Variants in PLB1 observed in about 807,000 individuals in gnomAD.
PLB1 encodes phospholipase B1.
In PLB1, 242 loss-of-function variants were observed where a neutral mutation model predicts 227.4. The observed-to-expected ratio is 1.06, with a 90% CI of 0.96 to 1.18. The LOEUF (loss-of-function observed/expected upper bound fraction) is 1.18, where lower values mean the gene tolerates loss of function less well. Among genes scored for constraint, PLB1 ranks in the 50% most tolerant of loss-of-function variants. The pLI, the probability that PLB1 is intolerant of heterozygous loss-of-function variation, is 0.00. For missense variants in PLB1, 1,858 were observed against 1,816.3 expected (o/e 1.02, Z -0.42); for synonymous variants, 757 against 682.2 (o/e 1.11, Z -1.71).
intron 49 of PLB1, among the ~76,000 whole-genome samples, chr2:28,623,378 G>C (rs1052482898): frequency 6.7e-6 from 1 of 148,640 alleles, no homozygotes. Flanking sequence ...GGGAAGAAGC[G>C]GCATTTGTAA....
chr2:28,532,097 CTTTTA>C lies in PLB1; in HGVS notation c.469-8_469-4del, dbSNP rs774612130. ...ACAATCTCCTTTTCATGCTGTTGCC[CTTTTA>C]TTCAGCAACTTGACTTTCAATTTGA... On this transcript the variant is annotated splice_polypyrimidine_tract_variant and splice_region_variant and intron_variant, in intron 8 of 57. Coordinates refer to ENST00000327757, the MANE Select transcript of PLB1 (RefSeq NM_153021.5). 1 of 1,603,954 alleles carries C rather than the reference CTTTTA, an allele frequency of 6.2e-7. No individual in the cohort carries two copies. The highest frequency in any genetic ancestry group is 8.5e-7 in the Non-Finnish European group (1 of 1,172,960).
Position 28,548,924 on chromosome 2 carries a change from C to G in PLB1, c.1001C>G (p.Pro334Arg). 4.3e-6 allele frequency: 7 copies of G among 1,613,952 alleles called. No individual in the cohort carries two copies. The East Asian group carries it at 6.7e-5, about 15-fold the overall frequency. Residue 334 changes from proline (P) to arginine (R), a missense_variant, in exon 15 of 58, where the codon CCC becomes CGC. Pro to Arg is a moderately radical substitution (Grantham distance 103). Transcript: ENST00000327757. ...SVKHGRPMKC[P>R]SQESPYLFSY... is the part of the protein sequence containing the mutation. ...AAACACGGGAGGCCAATGAAGTGTC[C>G]CTCTCAGGTAGGAGGGACTGGGCAG...
Position 28,554,489 on chromosome 2 carries a change from C to CTTTTTTTTTTTTTTTTTTT in PLB1, c.1147+1509_1147+1527dup, listed in dbSNP as rs536476788. ...CTACAGGCATTATCACCACACCTGC[C>CTTTTTTTTTTTTTTTTTTT]TTTTTTTTTTTTTTTTTTTTTTTTT... On this transcript the variant is annotated intron_variant, in intron 17 of 57. Coordinates refer to ENST00000327757, the MANE Select transcript of PLB1 (RefSeq NM_153021.5). Among the ~76,000 whole-genome samples, 26 of 85,454 alleles carry CTTTTTTTTTTTTTTTTTTT rather than the reference C, an allele frequency of 3.0e-4. 1 individual carries two copies. Among genetic ancestry groups the CTTTTTTTTTTTTTTTTTTT allele is most frequent in the East Asian group, 9.3e-4 (2 of 2,148 alleles). 56.1% of individuals were successfully genotyped at this position (85,454 alleles called of 152,430 possible).
At chr2:28,569,984 GAAA>G (rs1558788917) in intron 20 of PLB1, among the ~76,000 whole-genome samples, 21 of 36,312 alleles carry the variant, frequency 5.8e-4, no homozygotes, top group Non-Finnish European at 2.3e-3. Flanking sequence ...AAAAAAGAAA[GAAA>G]AAAGAAAATC....
chr2:28,558,486 C>T (rs1260091271), intron 17 of PLB1, among the ~76,000 whole-genome samples: 3 of 152,142 alleles, frequency 2.0e-5, no homozygotes, highest in South Asian at 2.1e-4. Context: ...AACCCCATTG[C>T]GTGATTTCTT....
chr2:28,611,855 CAG>C (rs1685499883), intron 43 of PLB1, among the ~76,000 whole-genome samples: 3 of 151,998 alleles, frequency 2.0e-5, no homozygotes, highest in Non-Finnish European at 4.4e-5. Flanking sequence ...GAAAGGATGT[CAG>C]GGGCTGGGCG....
chr2:28,547,148 C>A (rs1296113346), intron 14 of PLB1, among the ~76,000 whole-genome samples: 4 of 145,232 alleles, frequency 2.8e-5, no homozygotes, highest in East Asian at 2.1e-4. Flanking sequence ...CTGCAATGAA[C>A]TGTGATCGCA....
intron 1 of PLB1, among the ~76,000 whole-genome samples, chr2:28,513,050 T>G (rs1668459652): frequency 2.0e-5 from 3 of 152,306 alleles, no homozygotes; most frequent in Admixed American, 1.3e-4. Flanking sequence ...CTGGAAAGAT[T>G]ATGGATTTCC....
chr2:28,540,224 G>T, intron 11 of PLB1, 142 bp from the exon 12 acceptor site: 5 of 617,688 alleles, frequency 8.1e-6, no homozygotes, highest in Non-Finnish European at 1.2e-5. Context: ...CAACATTTAT[G>T]TCCTCTAAGA....
chr2:28,519,321 GT>G (rs1221403663), intron 3 of PLB1, among the ~76,000 whole-genome samples: 1 of 152,178 alleles, frequency 6.6e-6, no homozygotes, highest in Non-Finnish European at 1.5e-5. Context: ...TAACCAGGTG[GT>G]TTTATTCTTA....
intron 56 of PLB1, among the ~76,000 whole-genome samples, chr2:28,634,422 G>A (rs1689059020): frequency 6.6e-6 from 1 of 152,046 alleles, no homozygotes; most frequent in South Asian, 2.1e-4. Context: ...TTTCCCCTGA[G>A]ACCTCAGGGG....
At chr2:28,570,237 C>T (rs1677778344) in intron 20 of PLB1, among the ~76,000 whole-genome samples, 1 of 151,802 alleles carries the variant, frequency 6.6e-6, no homozygotes, top group African/African-American at 2.4e-5. Context: ...AAAGTATGAC[C>T]AGTAAGTATT....
chr2:28,618,467 C>T (rs746672751), intron 46 of PLB1, 68 bp downstream of exon 46: 19 of 1,512,872 alleles, frequency 1.3e-5, no homozygotes, highest in Non-Finnish European at 1.7e-5. Flanking sequence ...AGAATCTGTG[C>T]TTCCCCAGCA....
At chr2:28,569,177 T>A (rs1264361018) in intron 20 of PLB1, among the ~76,000 whole-genome samples, 1 of 152,206 alleles carries the variant, frequency 6.6e-6, no homozygotes, top group Non-Finnish European at 1.5e-5. Context: ...CCAGTTTCTT[T>A]CTCACATCCT....
At chr2:28,633,955 C>T (rs559978826) in intron 56 of PLB1, among the ~76,000 whole-genome samples, 15 of 152,322 alleles carry the variant, frequency 9.8e-5, no homozygotes, top group Non-Finnish European at 1.5e-4. Flanking sequence ...TGCCAACCAC[C>T]GCTGTGCAAA....
Position 28,496,174 on chromosome 2 carries a change from G to C in PLB1, c.55+5G>C, listed in dbSNP as rs1393279254. 11 of 1,613,782 alleles carry C rather than the reference G, an allele frequency of 6.8e-6. No individual in the cohort carries two copies. Among genetic ancestry groups the C allele is most frequent in the Admixed American group, 1.7e-5 (1 of 59,996 alleles). ...TGCTGCTGCTTCTGGGGCAAGGTAA[G>C]CGTGCCTTTTGCTCAGAGGACAACC... is the stretch of plus-strand genomic sequence containing the variant. On this transcript the variant is annotated splice_donor_5th_base_variant and intron_variant, in intron 1 of 57. Transcript: ENST00000327757.
At chr2:28,582,723 C>T (rs958100871) in intron 25 of PLB1, among the ~76,000 whole-genome samples, 1 of 152,144 alleles carries the variant, frequency 6.6e-6, no homozygotes, top group Non-Finnish European at 1.5e-5. Flanking sequence ...GGGAACTACC[C>T]CTGCACCCCG....
chr2:28,548,790 C>A, intron 14 of PLB1, 70 bp from the exon 15 acceptor site: 5 of 1,463,540 alleles, frequency 3.4e-6, no homozygotes, highest in Non-Finnish European at 4.8e-6. Flanking sequence ...ATGAGTCTTT[C>A]TCACTGGTGA....
intron 21 of PLB1, among the ~76,000 whole-genome samples, chr2:28,577,079 T>C (rs2148262228): frequency 6.6e-6 from 1 of 152,208 alleles, no homozygotes; most frequent in East Asian, 1.9e-4. Flanking sequence ...TGGCACCTCA[T>C]TTAATTTCCC....
Sources: gnomAD v4.1 joint callset for allele counts (sites outside exome capture counted in the v4.1 genomes callset) on GRCh38, gnomAD v4.1.1 for gene constraint, MANE v1.5 for transcripts, NCBI Gene and HGNC (gene_info 2026-07-23, HGNC 2026-07-21) for gene names.